The following MEGF11 variants were observed in gnomAD, a reference collection of about 807,000 sequenced individuals.
MEGF11 encodes the protein multiple epidermal growth factor-like domains protein 11.
A neutral mutation model predicts 146.6 loss-of-function variants in MEGF11; 126 were observed. The observed-to-expected ratio is 0.86, with a 90% confidence interval of 0.74 to 1.00. The LOEUF is 1.00. Ranked by LOEUF, MEGF11 falls within the 50% of genes least tolerant of loss-of-function variation. The pLI, the probability that MEGF11 is intolerant of heterozygous loss-of-function variation, is 0.00. For synonymous variants in MEGF11, 532 were observed against 583.4 expected (o/e 0.91, Z 1.27); for missense variants, 1,509 against 1,521.2 (o/e 0.99, Z 0.13).
intron 1 of MEGF11, among the ~76,000 whole-genome samples, chr15:66,182,737 A>C (rs1323004287): frequency 2.6e-5 from 4 of 152,220 alleles, no homozygotes; most frequent in African/African-American, 9.6e-5. Context: ...GACAGTTTGC[A>C]GGCCTGCAAG....
intron 4 of MEGF11, among the ~76,000 whole-genome samples, chr15:66,103,313 G>A (rs868577913): frequency 1.2e-4 from 19 of 152,206 alleles, no homozygotes; most frequent in Admixed American, 2.6e-4. Context: ...TATTATGAGC[G>A]TGAAAATGAC....
At chr15:66,009,836 C>T (rs1323934878) in intron 5 of MEGF11, among the ~76,000 whole-genome samples, 7 of 152,064 alleles carry the variant, frequency 4.6e-5, no homozygotes, top group Non-Finnish European at 7.4e-5. Flanking sequence ...CTTCGTGATC[C>T]ACCCACATCG....
intron 1 of MEGF11, among the ~76,000 whole-genome samples, chr15:66,220,291 G>A (rs1365783077): frequency 1.3e-5 from 2 of 150,696 alleles, no homozygotes; most frequent in African/African-American, 2.4e-5. Context: ...CCTAGAAAAC[G>A]AATACACCGT....
rs143653192 is a variant in MEGF11, at chr15:66,160,242, C to CCTCTCTCTCTCTCTCTCT, written c.-8-31849_-8-31832dup. Among the ~76,000 whole-genome samples the CCTCTCTCTCTCTCTCTCT allele has an allele frequency of 1.8e-3, 234 of 133,488 alleles. 10 individuals are homozygous for CCTCTCTCTCTCTCTCTCT. The highest frequency in any genetic ancestry group is 5.9e-3 in the African/African-American group (204 of 34,538). 87.6% of individuals were successfully genotyped at this position (133,488 alleles called of 152,430 possible). ...AGGACAAAGCCTCCCAAGGAAAAGC[C>CCTCTCTCTCTCTCTCTCT]CTCTCTCTCTCTCTCTCTCTCTCTC... On this transcript the variant is annotated intron_variant, in intron 1 of 25. Transcript: ENST00000395614.
At chr15:65,917,925 C>T in intron 16 of MEGF11, 41 bp downstream of exon 16, 2 of 1,612,372 alleles carry the variant, frequency 1.2e-6, no homozygotes, top group South Asian at 2.2e-5. Context: ...ATTTTTGGGC[C>T]TGACCCCAGG....
At chr15:66,111,722 A>C (rs2087422065) in intron 4 of MEGF11, among the ~76,000 whole-genome samples, 1 of 152,244 alleles carries the variant, frequency 6.6e-6, no homozygotes, top group Non-Finnish European at 1.5e-5. Flanking sequence ...AAAGTCTCCC[A>C]CAAGAAACAA....
chr15:66,173,969 A>G (rs957649362), intron 1 of MEGF11, among the ~76,000 whole-genome samples: 4 of 152,150 alleles, frequency 2.6e-5, no homozygotes, highest in African/African-American at 9.7e-5. Context: ...GCCTTCCTCT[A>G]TAGCCTGAGA....
intron 1 of MEGF11, among the ~76,000 whole-genome samples, chr15:66,163,738 A>G (rs2090017681): frequency 6.6e-6 from 1 of 152,212 alleles, no homozygotes; most frequent in Non-Finnish European, 1.5e-5. Context: ...GGAGCCTATA[A>G]AAAGATCCGT....
chr15:66,097,271 TG>T (rs2086594626), intron 4 of MEGF11, among the ~76,000 whole-genome samples: 2 of 152,140 alleles, frequency 1.3e-5, no homozygotes, highest in African/African-American at 2.4e-5. Context: ...GGGGAGGGGC[TG>T]GGGGTGCTGC....
chr15:65,933,291 C>T (rs897598646), intron 10 of MEGF11, among the ~76,000 whole-genome samples: 2 of 152,214 alleles, frequency 1.3e-5, no homozygotes, highest in East Asian at 1.9e-4. Flanking sequence ...CCTCTGAGGG[C>T]CTTGGACTGG....
intron 5 of MEGF11, among the ~76,000 whole-genome samples, chr15:66,074,864 G>A (rs905005919): frequency 6.6e-5 from 10 of 152,134 alleles, no homozygotes. Context: ...GGGTCATAGG[G>A]TGGCATCTTA....
At chr15:65,911,996 G>A (rs944120172) in intron 21 of MEGF11, 86 bp downstream of exon 21, 16 of 676,448 alleles carry the variant, frequency 2.4e-5, no homozygotes, top group South Asian at 7.8e-5. Context: ...TCCATGTGGC[G>A]GGGGGCGTGC....
chr15:66,006,589 G>A (rs970914116), intron 5 of MEGF11, among the ~76,000 whole-genome samples: 5 of 152,214 alleles, frequency 3.3e-5, no homozygotes, highest in African/African-American at 9.6e-5. Flanking sequence ...CTGCTGTTGT[G>A]TTGAGCTCCC....
At chr15:66,218,818 G>C (rs971898405) in intron 1 of MEGF11, among the ~76,000 whole-genome samples, 21 of 151,954 alleles carry the variant, frequency 1.4e-4, no homozygotes, top group African/African-American at 4.4e-4. Context: ...CTTGCAGTGT[G>C]ACTTCAAACC....
chr15:65,909,716 G>T, intron 22 of MEGF11, 24 bp downstream of exon 22: 2 of 1,551,962 alleles, frequency 1.3e-6, no homozygotes, highest in South Asian at 1.2e-5. Flanking sequence ...TGATGGTGGG[G>T]ACCAGACTCA....
intron 5 of MEGF11, among the ~76,000 whole-genome samples, chr15:66,048,350 G>C (rs2084306430): frequency 6.6e-6 from 1 of 152,248 alleles, no homozygotes; most frequent in African/African-American, 2.4e-5. Flanking sequence ...ACCCAATCCT[G>C]CACTATGTCA....
intron 13 of MEGF11, among the ~76,000 whole-genome samples, chr15:65,924,241 C>G (rs2079280381): frequency 6.6e-6 from 1 of 151,914 alleles, no homozygotes; most frequent in Non-Finnish European, 1.5e-5. Flanking sequence ...ACAGGCTTTA[C>G]TCATCCTCCT....
chr15:65,929,436 G>A (rs2079492672), intron 12 of MEGF11, among the ~76,000 whole-genome samples: 1 of 152,218 alleles, frequency 6.6e-6, no homozygotes, highest in Admixed American at 6.5e-5. Context: ...CTGCATTTGA[G>A]CTCAAGTGCC....
intron 23 of MEGF11, among the ~76,000 whole-genome samples, chr15:65,907,348 G>T (rs1294457190): frequency 2.6e-5 from 4 of 151,902 alleles, no homozygotes; most frequent in Non-Finnish European, 5.9e-5. Flanking sequence ...AGGCTGGAGT[G>T]CAGTGGCGCA....
Sources: gnomAD v4.1 joint callset for allele counts (sites outside exome capture counted in the v4.1 genomes callset) on GRCh38, gnomAD v4.1.1 for gene constraint, MANE v1.5 for transcripts, NCBI Gene and HGNC (gene_info 2026-07-23, HGNC 2026-07-21) for gene names.